ARHGAP6: variants seen among roughly 807,000 people sequenced by gnomAD.
ARHGAP6 encodes rho GTPase-activating protein 6.
Under a neutral mutation model 55.7 loss-of-function variants are expected in ARHGAP6, and 16 were observed. The ratio of observed to expected loss-of-function variants is 0.29; its 90% CI spans 0.19 to 0.44. The LOEUF is 0.44. Ranked by LOEUF, ARHGAP6 falls within the 20% of genes least tolerant of loss-of-function variation. The pLI is 1.00. For missense variants in ARHGAP6, 698 were observed against 808.9 expected, an observed-to-expected ratio of 0.86 and a Z score of 1.66; for synonymous variants, 382 against 360.9, an observed-to-expected ratio of 1.06 and a Z score of -0.66.
At chrX:11,651,027 A>T (rs1246553903) in intron 1 of ARHGAP6, among the ~76,000 whole-genome samples, 1 of 112,444 alleles carries the variant, frequency 8.9e-6, no homozygotes, top group Non-Finnish European at 1.9e-5. Context: ...CTCTGATATG[A>T]TATGAAAACT....
intron 1 of ARHGAP6, among the ~76,000 whole-genome samples, chrX:11,590,787 A>G (rs2051799074): frequency 3.3e-5 from 1 of 30,661 alleles, no homozygotes; most frequent in African/African-American, 2.1e-4. Flanking sequence ...AAAAGAAAAG[A>G]AAAGAAAAGA....
chrX:11,179,578 G>T, intron 6 of ARHGAP6, 126 bp from the exon 7 acceptor site: 1 of 785,360 alleles, frequency 1.3e-6, no homozygotes, highest in Non-Finnish European at 1.8e-6. Flanking sequence ...AGAAGGGGAA[G>T]CAAACAACAT....
chrX:11,469,126 G>C (rs1274702142), intron 1 of ARHGAP6, among the ~76,000 whole-genome samples: 1 of 112,680 alleles, frequency 8.9e-6, no homozygotes, highest in Admixed American at 9.4e-5. Context: ...AAACCACCCA[G>C]TCTATGGCAT....
chrX:11,594,854 G>A (rs965944696), intron 1 of ARHGAP6, among the ~76,000 whole-genome samples: 1 of 112,160 alleles, frequency 8.9e-6, no homozygotes. Context: ...CACACCTGTA[G>A]TTTTCAATAT....
intron 1 of ARHGAP6, among the ~76,000 whole-genome samples, chrX:11,370,101 T>C (rs926469154): frequency 2.7e-5 from 3 of 112,484 alleles, no homozygotes; most frequent in Non-Finnish European, 3.8e-5. Context: ...CAATTGTATA[T>C]ACTCTTCTAA....
intron 1 of ARHGAP6, among the ~76,000 whole-genome samples, chrX:11,434,756 T>C (rs1350309371): frequency 9.0e-6 from 1 of 111,546 alleles, no homozygotes; most frequent in African/African-American, 3.3e-5. Flanking sequence ...TGTAATAAAA[T>C]GAGGAGAATA....
At chrX:11,347,327 T>C (rs745584893) in intron 1 of ARHGAP6, among the ~76,000 whole-genome samples, 74 of 112,382 alleles carry the variant, frequency 6.6e-4, no homozygotes, top group African/African-American at 2.0e-3. Context: ...GCCTGGACTT[T>C]CCAATGTTTG....
intron 1 of ARHGAP6, among the ~76,000 whole-genome samples, chrX:11,621,494 A>G (rs1296281852): frequency 8.9e-6 from 1 of 111,765 alleles, no homozygotes; most frequent in Non-Finnish European, 1.9e-5. Flanking sequence ...GGTGTTTTAA[A>G]AGGAAAAATT....
chrX:11,298,007 T>C lies in ARHGAP6; in HGVS notation c.589-43300A>G, dbSNP rs761478010. The C allele has an allele frequency of 7.2e-5, 64 of 887,427 alleles. 1 individual carries two copies. The highest frequency in any genetic ancestry group is 4.0e-4 in the Middle Eastern group (1 of 2,490). 73.1% of individuals were successfully genotyped at this position (887,427 alleles called of 1,213,427 possible). On this transcript the variant is annotated intron_variant, in intron 1 of 12. Coordinates refer to ENST00000337414, the MANE Select transcript of ARHGAP6 (RefSeq NM_013427.3). The stretch of plus-strand genomic sequence containing the variant: ...GTAATAATACTTGCCTCCTAGCATA[T>C]AAGAAAAGATGAAGAATGTGTGTGA...
At chrX:11,371,615 T>C (rs1414577382) in intron 1 of ARHGAP6, among the ~76,000 whole-genome samples, 2 of 112,501 alleles carry the variant, frequency 1.8e-5, no homozygotes, top group Non-Finnish European at 3.8e-5. Context: ...AATAAAAATT[T>C]CTATGCAAAT....
chrX:11,153,809 CTTTT>C (rs1436876784), intron 10 of ARHGAP6, among the ~76,000 whole-genome samples: 1 of 110,743 alleles, frequency 9.0e-6, no homozygotes, highest in Non-Finnish European at 1.9e-5. Flanking sequence ...GCTCATTCTT[CTTTT>C]TATTTTATTA....
intron 1 of ARHGAP6, among the ~76,000 whole-genome samples, chrX:11,612,635 C>T (rs2052116182): frequency 8.9e-6 from 1 of 112,188 alleles, no homozygotes; most frequent in Admixed American, 9.4e-5. Context: ...TCTTGCACTT[C>T]CAGCCTCCAG....
chrX:11,557,663 A>C (rs1009623405), intron 1 of ARHGAP6, among the ~76,000 whole-genome samples: 1 of 112,266 alleles, frequency 8.9e-6, no homozygotes, highest in South Asian at 3.7e-4. Flanking sequence ...GTTAATTATC[A>C]GGAAAAAACC....
In ARHGAP6 at chrX:11,143,885, C is replaced by T. The variant is rs756872843; in HGVS notation, c.2176+95G>A. The T allele has an allele frequency of 1.5e-4, 181 of 1,199,882 alleles. 1 individual carries two copies. Among genetic ancestry groups the T allele is most frequent in the Non-Finnish European group, 1.9e-4 (171 of 892,447 alleles). ...ACAGAAACATCAAATAAGGGAGAGA[C>T]GAAGAGAAGGTCCGAAGAGCCCCAC... On this transcript the variant is annotated intron_variant, in intron 11 of 12. Coordinates refer to ENST00000337414, the MANE Select transcript of ARHGAP6 (RefSeq NM_013427.3).
intron 2 of ARHGAP6, among the ~76,000 whole-genome samples, chrX:11,253,462 T>G (rs1411793044): frequency 1.8e-5 from 2 of 111,807 alleles, no homozygotes; most frequent in Non-Finnish European, 3.8e-5. Context: ...TTCTAGAAGC[T>G]TCCTATCCCT....
chrX:11,458,858 T>G (rs2050217979), intron 1 of ARHGAP6, among the ~76,000 whole-genome samples: 1 of 111,154 alleles, frequency 9.0e-6, no homozygotes, highest in African/African-American at 3.3e-5. Context: ...GTAAATTATT[T>G]AGGATGTTAA....
chrX:11,293,535 T>C (rs1026424256), intron 1 of ARHGAP6: 8 of 112,165 alleles, frequency 7.1e-5, no homozygotes, highest in African/African-American at 9.7e-5. Context: ...TGCATTTCTT[T>C]TAAAAGATAT....
chrX:11,642,187 C>T (rs1388132807), intron 1 of ARHGAP6, among the ~76,000 whole-genome samples: 1 of 111,485 alleles, frequency 9.0e-6, no homozygotes, highest in Non-Finnish European at 1.9e-5. Context: ...AGAATTTGCA[C>T]AATCACTTCA....
chrX:11,266,923 C>T (rs1486252384), intron 1 of ARHGAP6, among the ~76,000 whole-genome samples: 1 of 111,890 alleles, frequency 8.9e-6, no homozygotes, highest in African/African-American at 3.2e-5. Flanking sequence ...TCTGCTGCTG[C>T]TGCTGCTAAG....
Sources: allele counts gnomAD v4.1 joint callset (sites outside exome capture counted in the v4.1 genomes callset), GRCh38; gene constraint gnomAD v4.1.1; transcripts MANE v1.5; gene names NCBI Gene and HGNC (gene_info 2026-07-23, HGNC 2026-07-21).